Variants in TMEM132D observed in about 807,000 individuals in gnomAD.
The protein encoded by TMEM132D is transmembrane protein 132D.
Under a neutral mutation model 62.3 loss-of-function variants are expected in TMEM132D, and 21 were observed. The observed-to-expected ratio is 0.34, with a 90% confidence interval of 0.24 to 0.49. The LOEUF (loss-of-function observed/expected upper bound fraction) is 0.49. Among genes scored for constraint, TMEM132D ranks in the 20% least tolerant of loss-of-function variants. TMEM132D has a pLI of 0.99. For synonymous variants in TMEM132D, 621 were observed against 575.6 expected (o/e 1.08, Z -1.13); for missense variants, 1,346 against 1,402.8 (o/e 0.96, Z 0.65).
intron 5 of TMEM132D, among the ~76,000 whole-genome samples, chr12:129,134,132 GTC>G (rs1555231885): frequency 5.4e-4 from 65 of 119,538 alleles, no homozygotes; most frequent in African/African-American, 1.6e-3. Context: ...GTGTGTGTGT[GTC>G]TGTGTGTGTG....
chr12:129,267,676 A>T (rs150837002), intron 4 of TMEM132D, among the ~76,000 whole-genome samples: 10,664 of 152,188 alleles, frequency 0.07, 556 homozygotes, highest in Admixed American at 0.17. Flanking sequence ...GAATTGGAAA[A>T]AGCTACTTTA....
intron 3 of TMEM132D, among the ~76,000 whole-genome samples, chr12:129,475,306 T>C (rs1020988665): frequency 2.0e-4 from 31 of 152,316 alleles, no homozygotes; most frequent in African/African-American, 7.2e-4. Flanking sequence ...CGGACCTTAC[T>C]GGACCACAGT....
Position 129,079,827 on chromosome 12 carries a change from CAGTG to C in TMEM132D, c.1924-1106_1924-1103del, listed in dbSNP as rs549368018. Among the ~76,000 whole-genome samples, 353 of 152,206 alleles carry C rather than the reference CAGTG, an allele frequency of 2.3e-3. 2 individuals carry two copies. Among genetic ancestry groups the C allele is most frequent in the African/African-American group, 7.7e-3 (321 of 41,534 alleles). The stretch of plus-strand genomic sequence containing the variant: ...AGTGAATTTATGACTCAGGAGGACA[CAGTG>C]AGAAAAAAGAGAAAAGAACCAAGGC... On this transcript the variant is annotated intron_variant, in intron 7 of 8. Coordinates refer to ENST00000422113, the MANE Select transcript of TMEM132D (RefSeq NM_133448.3).
chr12:129,251,521 G>A (rs908861515), intron 4 of TMEM132D, among the ~76,000 whole-genome samples: 2 of 152,010 alleles, frequency 1.3e-5, no homozygotes. Context: ...CAGGCATCTC[G>A]GCATTCAATT....
chr12:129,249,534 G>T (rs1003498335), intron 4 of TMEM132D, among the ~76,000 whole-genome samples: 1 of 152,152 alleles, frequency 6.6e-6, no homozygotes, highest in Non-Finnish European at 1.5e-5. Flanking sequence ...TCCAGGTAAG[G>T]TTGACATTCA....
At chr12:129,826,621 C>G (rs11060573) in intron 1 of TMEM132D, among the ~76,000 whole-genome samples, 72,673 of 152,048 alleles carry the variant, frequency 0.48, 18,584 homozygotes, top group Non-Finnish European at 0.59. Flanking sequence ...ACGACCCGGT[C>G]AGGAAAATCA....
At chr12:129,245,583 C>G (rs958273807) in intron 4 of TMEM132D, among the ~76,000 whole-genome samples, 3 of 150,746 alleles carry the variant, frequency 2.0e-5, no homozygotes, top group Admixed American at 2.0e-4. Context: ...AAAGATTGCT[C>G]TCTCCCTTGG....
chr12:129,118,580 G>A (rs979003342), intron 5 of TMEM132D, among the ~76,000 whole-genome samples: 13 of 152,180 alleles, frequency 8.5e-5, no homozygotes, highest in Admixed American at 2.0e-4. Flanking sequence ...ATCAACCCGT[G>A]GGACTTTTAG....
At chr12:129,349,301 T>A (rs529839715) in intron 3 of TMEM132D, among the ~76,000 whole-genome samples, 6 of 152,316 alleles carry the variant, frequency 3.9e-5, no homozygotes, top group Non-Finnish European at 7.4e-5. Context: ...CCTAGGTCAT[T>A]CTTGTATTCA....
At chr12:129,569,721 T>A (rs1877459605) in intron 2 of TMEM132D, among the ~76,000 whole-genome samples, 1 of 152,134 alleles carries the variant, frequency 6.6e-6, no homozygotes, top group African/African-American at 2.4e-5. Flanking sequence ...ATGAAATGAC[T>A]CCACTGAAGT....
At chr12:129,369,989 G>T (rs911409667) in intron 3 of TMEM132D, among the ~76,000 whole-genome samples, 1 of 152,194 alleles carries the variant, frequency 6.6e-6, no homozygotes, top group Admixed American at 6.5e-5. Flanking sequence ...GGCAGGGGTG[G>T]GGGCTGTGGC....
At chr12:129,783,556 G>C (rs1871177578) in intron 1 of TMEM132D, among the ~76,000 whole-genome samples, 1 of 152,112 alleles carries the variant, frequency 6.6e-6, no homozygotes, top group South Asian at 2.1e-4. Flanking sequence ...TTTCATTGTA[G>C]GGCCCTGATG....
chr12:129,477,656 T>C (rs1197837800), intron 3 of TMEM132D, among the ~76,000 whole-genome samples: 3 of 151,864 alleles, frequency 2.0e-5, no homozygotes, highest in African/African-American at 7.3e-5. Flanking sequence ...CCGTCTCTAC[T>C]AAAAATACAA....
chr12:129,862,644 T>C (rs553031538), intron 1 of TMEM132D, among the ~76,000 whole-genome samples: 1 of 152,172 alleles, frequency 6.6e-6, no homozygotes, highest in Non-Finnish European at 1.5e-5. Flanking sequence ...GAAATAAATC[T>C]AATAGAGTGC....
At chr12:129,888,860 C>T (rs933423047) in intron 1 of TMEM132D, among the ~76,000 whole-genome samples, 7 of 152,170 alleles carry the variant, frequency 4.6e-5, no homozygotes, top group Admixed American at 2.0e-4. Flanking sequence ...GGTCCTCCCT[C>T]CAGGCTCTAA....
chr12:129,463,937 G>A (rs1051555607), intron 3 of TMEM132D, among the ~76,000 whole-genome samples: 35 of 149,744 alleles, frequency 2.3e-4, no homozygotes, highest in Admixed American at 6.0e-4. Context: ...ATAAACATAC[G>A]TGTGCATGTG....
intron 3 of TMEM132D, among the ~76,000 whole-genome samples, chr12:129,502,250 C>T (rs1352110000): frequency 2.0e-5 from 3 of 152,168 alleles, no homozygotes; most frequent in South Asian, 4.1e-4. Flanking sequence ...CCACCCGCCT[C>T]GGCCTCCCAA....
At chr12:129,668,764 A>T (rs1043306656) in intron 2 of TMEM132D, among the ~76,000 whole-genome samples, 1 of 152,228 alleles carries the variant, frequency 6.6e-6, no homozygotes, top group Non-Finnish European at 1.5e-5. Context: ...TGCAATAAGA[A>T]TCTGTTTTCT....
chr12:129,479,009 G>C (rs1874351642), intron 3 of TMEM132D, among the ~76,000 whole-genome samples: 1 of 152,176 alleles, frequency 6.6e-6, no homozygotes, highest in South Asian at 2.1e-4. Flanking sequence ...CCTCCTCTTT[G>C]TTCTCTTACG....
Sources: allele counts gnomAD v4.1 joint callset (sites outside exome capture counted in the v4.1 genomes callset), GRCh38; gene constraint gnomAD v4.1.1; transcripts MANE v1.5; gene names NCBI Gene and HGNC (gene_info 2026-07-23, HGNC 2026-07-21).